PAK1: variants seen among roughly 807,000 people sequenced by gnomAD.
PAK1 encodes serine/threonine-protein kinase PAK 1.
Under a neutral mutation model 67.4 loss-of-function variants are expected in PAK1, and 29 were observed. That is an observed-to-expected ratio of 0.43 (90% CI 0.32 to 0.59). The LOEUF (loss-of-function observed/expected upper bound fraction) is 0.59, where lower values mean the gene tolerates loss of function less well. Ranked by LOEUF, PAK1 falls within the 20% of genes least tolerant of loss-of-function variation. The probability of loss-of-function intolerance (pLI) is 0.07; values close to 1 mark genes in which losing one functional copy is unlikely to be tolerated. For synonymous variants in PAK1, 223 were observed against 237.4 expected, an observed-to-expected ratio of 0.94 and a Z score of 0.56; for missense variants, 337 against 670.7, an observed-to-expected ratio of 0.50 and a Z score of 5.50.
intron 1 of PAK1, among the ~76,000 whole-genome samples, chr11:77,439,797 C>A (rs1956277957): frequency 6.6e-6 from 1 of 152,074 alleles, no homozygotes; most frequent in Non-Finnish European, 1.5e-5. Context: ...TTTAAATTGT[C>A]AAGAACCATC....
chr11:77,378,776 C>G (rs1371558795), intron 4 of PAK1, among the ~76,000 whole-genome samples: 2 of 152,020 alleles, frequency 1.3e-5, no homozygotes, highest in African/African-American at 2.4e-5. Flanking sequence ...TTTGTAGAGA[C>G]AGGGTTTTGC....
the PAK1 span, among the ~76,000 whole-genome samples, chr11:77,525,643 A>G: frequency 6.6e-6 from 1 of 152,186 alleles, no homozygotes; most frequent in Non-Finnish European, 1.5e-5. Flanking sequence ...GGACCAGCAT[A>G]GTGAGATGAT....
intron 9 of PAK1, among the ~76,000 whole-genome samples, 158 bp downstream of exon 9, chr11:77,349,081 C>T (rs1351765651): frequency 2.7e-5 from 4 of 149,338 alleles, no homozygotes; most frequent in Admixed American, 6.7e-5. Context: ...GCAGAGATCA[C>T]GCCACTGCAC....
intron 2 of PAK1, 63 bp from the exon 3 acceptor site, chr11:77,380,057 T>C: frequency 7.9e-7 from 1 of 1,264,594 alleles, no homozygotes; most frequent in Non-Finnish European, 1.1e-6. Flanking sequence ...AGGCTTATTT[T>C]AGCTCTTTAT....
chr11:77,443,712 A>T lies in PAK1; in HGVS notation c.-22+29840T>A, dbSNP rs544555377. ...TTTCCATTAATTCAGTAAGCTTTTAATGACACCAAGGGATCTCGAAGTATC... is the reference window on the plus strand; with the variant it reads ...TTTCCATTAATTCAGTAAGCTTTTATTGACACCAAGGGATCTCGAAGTATC... On this transcript the variant is annotated intron_variant, in intron 1 of 14. Transcript: ENST00000356341. 3.5e-4 allele frequency among the ~76,000 whole-genome samples: 54 copies of T among 152,318 alleles called. No individual in the cohort carries two copies. In the South Asian group the frequency reaches 0.011, roughly 32 times the overall value.
chr11:77,451,596 T>G (rs1181105929), intron 1 of PAK1, among the ~76,000 whole-genome samples: 2 of 149,182 alleles, frequency 1.3e-5, no homozygotes, highest in African/African-American at 5.2e-5. Context: ...TAATGTCTTT[T>G]GTTTTTTTTT....
At chr11:77,466,305 T>C (rs1241189613) in intron 1 of PAK1, among the ~76,000 whole-genome samples, 2 of 151,998 alleles carry the variant, frequency 1.3e-5, no homozygotes, top group African/African-American at 4.8e-5. Context: ...AGTAATAATT[T>C]TTAAAAATGT....
At chr11:77,460,324 T>A in intron 1 of PAK1, among the ~76,000 whole-genome samples, 1 of 25,374 alleles carries the variant, frequency 3.9e-5, no homozygotes, top group Admixed American at 2.5e-4. Flanking sequence ...TTTTGTTTGC[T>A]TTTTTTTTTT....
At chr11:77,415,149 G>A (rs1335863185) in intron 1 of PAK1, among the ~76,000 whole-genome samples, 1 of 152,178 alleles carries the variant, frequency 6.6e-6, no homozygotes, top group African/African-American at 2.4e-5. Context: ...TTTATCATTA[G>A]AGAACTGCAA....
At chr11:77,497,522 A>G in the PAK1 span, among the ~76,000 whole-genome samples, 1 of 152,208 alleles carries the variant, frequency 6.6e-6, no homozygotes, top group Non-Finnish European at 1.5e-5. Flanking sequence ...TTTCACAGCC[A>G]TTAATTCATT....
chr11:77,481,342 T>C, the PAK1 span, among the ~76,000 whole-genome samples: 2 of 152,188 alleles, frequency 1.3e-5, no homozygotes, highest in Admixed American at 6.5e-5. Context: ...GGTGATTCTC[T>C]GTTGTTAGGC....
In PAK1 at chr11:77,434,839, C is replaced by T. The variant is rs578104849; in HGVS notation, c.-22+38713G>A. Among the ~76,000 whole-genome samples, 3 of 152,136 alleles carry T rather than the reference C, an allele frequency of 2.0e-5. No individual in the cohort carries two copies. In the South Asian group the frequency reaches 6.2e-4, roughly 32 times the overall value. ...TTGCCATGTTGCCCAGGCTGGTCTC[C>T]AACTCCTGAGCTCAAGAGATCTGCC... is the stretch of plus-strand genomic sequence containing the variant. On this transcript the variant is annotated intron_variant, in intron 1 of 14. Coordinates refer to ENST00000356341, the MANE Select transcript of PAK1 (RefSeq NM_002576.5).
intron 12 of PAK1, 142 bp from the exon 13 acceptor site, chr11:77,336,424 A>T: frequency 3.7e-6 from 2 of 535,048 alleles, no homozygotes; most frequent in Non-Finnish European, 6.7e-6. Context: ...AAGTCACTTG[A>T]CTACCACCTT....
At chr11:77,481,874 C>T in the PAK1 span, among the ~76,000 whole-genome samples, 2 of 152,202 alleles carry the variant, frequency 1.3e-5, no homozygotes, top group East Asian at 1.9e-4. Flanking sequence ...GCTACTATAT[C>T]TCTAGAGCTT....
At position 77,360,426 on chromosome 11, in the gene PAK1, G is replaced by T. The variant is rs895538350; in HGVS notation, c.478-1409C>A. Among the ~76,000 whole-genome samples the T allele has an allele frequency of 4.6e-5, 7 of 152,092 alleles. 1 individual carries two copies. Among genetic ancestry groups the T allele is most frequent in the Non-Finnish European group, 7.4e-5 (5 of 68,006 alleles). On this transcript the variant is annotated intron_variant, in intron 5 of 14. Coordinates refer to ENST00000356341, the MANE Select transcript of PAK1 (RefSeq NM_002576.5). ...CTTTAAGTTCCAAAACTCAATAGAG[G>T]TCCTTTCCCTGTCAAAATATGTATT...
the PAK1 span, among the ~76,000 whole-genome samples, chr11:77,511,448 A>G: frequency 6.6e-6 from 1 of 152,110 alleles, no homozygotes; most frequent in Non-Finnish European, 1.5e-5. Flanking sequence ...TCCTTTCAGC[A>G]CTAAATCTCA....
At chr11:77,508,592 T>C in the PAK1 span, among the ~76,000 whole-genome samples, 12 of 151,606 alleles carry the variant, frequency 7.9e-5, no homozygotes, top group Non-Finnish European at 1.6e-4. Flanking sequence ...CGTGGTCTCA[T>C]AAGTGGGCAC....
the PAK1 span, among the ~76,000 whole-genome samples, chr11:77,497,857 T>G: frequency 6.6e-6 from 1 of 152,248 alleles, no homozygotes; most frequent in Non-Finnish European, 1.5e-5. Flanking sequence ...TTCACTAGAA[T>G]ATTAATCTTC....
intron 1 of PAK1, among the ~76,000 whole-genome samples, chr11:77,460,744 T>C (rs1359075432): frequency 1.3e-5 from 2 of 152,080 alleles, no homozygotes; most frequent in Non-Finnish European, 2.9e-5. Context: ...GAGAACAGAA[T>C]GACTTCTTTC....
Sources: allele counts gnomAD v4.1 joint callset (sites outside exome capture counted in the v4.1 genomes callset), GRCh38; gene constraint gnomAD v4.1.1; transcripts MANE v1.5; gene names NCBI Gene and HGNC (gene_info 2026-07-23, HGNC 2026-07-21).